FAM120C: variants seen among roughly 807,000 people sequenced by gnomAD.
FAM120C encodes constitutive coactivator of PPAR-gamma-like protein 2.
Under a neutral mutation model 71.2 loss-of-function variants are expected in FAM120C, and 14 were observed. That is an observed-to-expected ratio of 0.20 (90% CI 0.13 to 0.31). The LOEUF is 0.31. Among genes scored for constraint, FAM120C ranks in the 10% least tolerant of loss-of-function variants. FAM120C has a pLI of 1.00. For synonymous variants in FAM120C, 354 were observed against 353.2 expected, an observed-to-expected ratio of 1.00 and a Z score of -0.03; for missense variants, 500 against 879.0, an observed-to-expected ratio of 0.57 and a Z score of 5.45.
intron 4 of FAM120C, among the ~76,000 whole-genome samples, chrX:54,140,632 A>G (rs2067120782): frequency 1.8e-5 from 2 of 108,890 alleles, no homozygotes; most frequent in Non-Finnish European, 3.8e-5. Context: ...AAGAAAAAAA[A>G]AAAAGAAAAG....
intron 4 of FAM120C, among the ~76,000 whole-genome samples, chrX:54,146,021 G>A (rs1257497591): frequency 2.7e-5 from 3 of 111,598 alleles, no homozygotes; most frequent in African/African-American, 9.8e-5. Context: ...CATGGATGAA[G>A]CTGGAAACCA....
In FAM120C at chrX:54,087,833, A is replaced by G; in HGVS notation, c.2559T>C (p.Phe853=). ...PWEHCCPWIY[F]DGKLFQSKLI... ...GCTTGCTCTGGAACAGCTTGCCATCAAAGTAAATCCATGGACAGCAATGCT... is the reference window on the plus strand; with the variant it reads ...GCTTGCTCTGGAACAGCTTGCCATCGAAGTAAATCCATGGACAGCAATGCT... Residue 853 remains phenylalanine, a synonymous_variant, in exon 12 of 16, where the codon TTT becomes TTC. Transcript: ENST00000375180. The G allele has an allele frequency of 8.3e-7, 1 of 1,211,456 alleles. No homozygotes were observed. The highest frequency in any genetic ancestry group is 1.1e-6 in the Non-Finnish European group (1 of 895,473).
chrX:54,117,817 A>C (rs1372354848), intron 9 of FAM120C, among the ~76,000 whole-genome samples: 2 of 112,328 alleles, frequency 1.8e-5, no homozygotes, highest in Non-Finnish European at 1.9e-5. Flanking sequence ...TAAACAAGGA[A>C]AGAAGCACAA....
At chrX:54,080,863 GA>G (rs35030129) in intron 14 of FAM120C, among the ~76,000 whole-genome samples, 17 of 77,611 alleles carry the variant, frequency 2.2e-4, no homozygotes, top group African/African-American at 7.2e-4. Flanking sequence ...TCCATCTCAA[GA>G]AAAAAAAAAA....
intron 1 of FAM120C, among the ~76,000 whole-genome samples, chrX:54,160,228 T>C (rs1557134252): frequency 1.8e-5 from 2 of 111,639 alleles, no homozygotes; most frequent in Non-Finnish European, 3.8e-5. Flanking sequence ...AACTTAGACG[T>C]AGAAATAGAC....
At chrX:54,161,730 C>T (rs2067236521) in intron 1 of FAM120C, among the ~76,000 whole-genome samples, 1 of 112,426 alleles carries the variant, frequency 8.9e-6, no homozygotes. Context: ...GTCCCAGGTT[C>T]AAGCAATTCT....
At chrX:54,103,703 T>A (rs2066892786) in intron 10 of FAM120C, among the ~76,000 whole-genome samples, 1 of 111,529 alleles carries the variant, frequency 9.0e-6, no homozygotes, top group Non-Finnish European at 1.9e-5. Flanking sequence ...TACTACATTA[T>A]TTTGGTATGA....
In FAM120C at chrX:54,167,470, T is replaced by G. The variant is rs185161105; in HGVS notation, c.700-7854A>C. 2.7e-5 allele frequency among the ~76,000 whole-genome samples: 3 copies of G among 111,760 alleles called. No individual in the cohort carries two copies. The East Asian group carries it at 8.4e-4, about 31-fold the overall frequency. On this transcript the variant is annotated intron_variant, in intron 1 of 15. Transcript: ENST00000375180. ...AGAGTTGAGATTCTGAACGACTATC[T>G]ATAGCTTTTAATTGCTGGTTCACCA...
intron 1 of FAM120C, among the ~76,000 whole-genome samples, chrX:54,169,336 T>C (rs191242003): frequency 9.0e-6 from 1 of 110,788 alleles, no homozygotes; most frequent in Non-Finnish European, 1.9e-5. Context: ...ACATTGTTTC[T>C]CAAATAAAGG....
chrX:54,071,969 T>C lies in FAM120C; in HGVS notation c.*1064A>G, dbSNP rs2146547750. 1 of 102,823 alleles carries C rather than the reference T, an allele frequency of 9.7e-6. No homozygotes were observed. Among genetic ancestry groups the C allele is most frequent in the Non-Finnish European group, 2.0e-5 (1 of 50,469 alleles). 8.5% of individuals were successfully genotyped at this position (102,823 alleles called of 1,213,427 possible). ...GTATGTATGTATGTATGTATGTATG[T>C]GTGTATATATGTGTGTATATATATA... On this transcript the variant is annotated 3_prime_UTR_variant, in exon 16 of 16. Transcript: ENST00000375180.
At chrX:54,142,283 C>G (rs1478851328) in intron 4 of FAM120C, among the ~76,000 whole-genome samples, 6 of 111,994 alleles carry the variant, frequency 5.4e-5, no homozygotes, top group Non-Finnish European at 1.1e-4. Context: ...GGGGCATTGC[C>G]TCACCTGGGA....
At chrX:54,112,013 G>A (rs1360056137) in intron 10 of FAM120C, among the ~76,000 whole-genome samples, 1 of 112,153 alleles carries the variant, frequency 8.9e-6, no homozygotes, top group African/African-American at 3.2e-5. Context: ...TGATAAAGTT[G>A]ACAAAACACA....
chrX:54,112,243 C>T (rs1557125846), intron 10 of FAM120C, among the ~76,000 whole-genome samples: 1 of 109,761 alleles, frequency 9.1e-6, no homozygotes, highest in Non-Finnish European at 1.9e-5. Flanking sequence ...ACAATGAAAC[C>T]CTGTCTCTAC....
At chrX:54,165,791 T>A (rs1396302250) in intron 1 of FAM120C, among the ~76,000 whole-genome samples, 1 of 108,301 alleles carries the variant, frequency 9.2e-6, no homozygotes, top group Non-Finnish European at 1.9e-5. Flanking sequence ...AAAATAATAA[T>A]AATAAAAATA....
chrX:54,108,229 T>G (rs915321729), intron 10 of FAM120C, among the ~76,000 whole-genome samples: 2 of 109,735 alleles, frequency 1.8e-5, no homozygotes, highest in Admixed American at 9.9e-5. Context: ...TAATTTAAAA[T>G]GTAGGAGATC....
intron 4 of FAM120C, among the ~76,000 whole-genome samples, chrX:54,143,945 C>T (rs1383629313): frequency 8.9e-6 from 1 of 111,901 alleles, no homozygotes; most frequent in East Asian, 2.8e-4. Context: ...TCCAGCAGCA[C>T]ATCAAAAAGC....
chrX:54,156,148 G>A (rs2067208195), intron 3 of FAM120C, among the ~76,000 whole-genome samples: 1 of 109,659 alleles, frequency 9.1e-6, no homozygotes, highest in Non-Finnish European at 1.9e-5. Flanking sequence ...AACAGGAAGT[G>A]AGGTCATGAA....
intron 12 of FAM120C, 123 bp downstream of exon 12, chrX:54,087,632 A>C: frequency 1.6e-6 from 1 of 633,964 alleles, no homozygotes; most frequent in African/African-American, 2.2e-5. Context: ...GTCAGGTTAA[A>C]GTGAGACACA....
rs781926618 is a variant in FAM120C, at chrX:54,158,027, G to A, written c.947-256C>T. Among the ~76,000 whole-genome samples, 31 of 111,775 alleles carry A rather than the reference G, an allele frequency of 2.8e-4. No homozygotes were observed. In the South Asian group the frequency reaches 0.012, roughly 42 times the overall value. ...AAGAAACTGAGGTTCAGACATGTTT[G>A]GTGACTTGGCCCAATGTGGTCTGGC... On this transcript the variant is annotated intron_variant, in intron 2 of 15. Transcript: ENST00000375180.
Sources: allele counts gnomAD v4.1 joint callset (sites outside exome capture counted in the v4.1 genomes callset), GRCh38; gene constraint gnomAD v4.1.1; transcripts MANE v1.5; gene names NCBI Gene and HGNC (gene_info 2026-07-23, HGNC 2026-07-21).